PRKN: variants seen among roughly 807,000 people sequenced by gnomAD.
The protein encoded by PRKN is E3 ubiquitin-protein ligase parkin.
In PRKN, 56 loss-of-function variants were observed where a neutral mutation model predicts 59.5. That is an observed-to-expected ratio of 0.94 (90% CI 0.76 to 1.18). The LOEUF (loss-of-function observed/expected upper bound fraction) is 1.18, where lower values mean the gene tolerates loss of function less well. Ranked by LOEUF, PRKN falls within the 50% of genes most tolerant of loss-of-function variation. PRKN has a pLI of 0.00. For synonymous variants in PRKN, 250 were observed against 222.1 expected, an observed-to-expected ratio of 1.13 and a Z score of -1.12; for missense variants, 657 against 596.4, an observed-to-expected ratio of 1.10 and a Z score of -1.06.
intron 7 of PRKN, among the ~76,000 whole-genome samples, chr6:161,628,470 C>A (rs910379313): frequency 8.5e-5 from 13 of 152,164 alleles, no homozygotes; most frequent in African/African-American, 2.4e-4. Flanking sequence ...ACCCTCATGA[C>A]CTAATCACTT....
chr6:162,329,589 C>A (rs898939070), intron 2 of PRKN, among the ~76,000 whole-genome samples: 1 of 152,018 alleles, frequency 6.6e-6, no homozygotes, highest in Admixed American at 6.6e-5. Context: ...TGAAATTTAT[C>A]TTCATGTACT....
At chr6:162,220,816 C>A (rs1777895290) in intron 3 of PRKN, among the ~76,000 whole-genome samples, 1 of 152,002 alleles carries the variant, frequency 6.6e-6, no homozygotes, top group South Asian at 2.1e-4. Context: ...AATTTGGAGT[C>A]ATGGATTTCA....
chr6:162,648,835 C>T (rs1250802714), intron 1 of PRKN, among the ~76,000 whole-genome samples: 4 of 152,160 alleles, frequency 2.6e-5, no homozygotes, highest in African/African-American at 9.7e-5. Flanking sequence ...CAAACACTCA[C>T]CTAGATATGG....
intron 6 of PRKN, among the ~76,000 whole-genome samples, chr6:161,878,674 G>C (rs1487267745): frequency 6.6e-6 from 1 of 152,128 alleles, no homozygotes; most frequent in Non-Finnish European, 1.5e-5. Flanking sequence ...TTTTAGTGCA[G>C]GGCCCTCTGC....
At chr6:161,501,728 T>C (rs1777971382) in intron 9 of PRKN, among the ~76,000 whole-genome samples, 1 of 152,194 alleles carries the variant, frequency 6.6e-6, no homozygotes, top group South Asian at 2.1e-4. Context: ...ACTGGTCATT[T>C]GTTCTCTATA....
chr6:162,701,066 A>C (rs1235031987), intron 1 of PRKN, among the ~76,000 whole-genome samples: 1 of 152,198 alleles, frequency 6.6e-6, no homozygotes. Context: ...TGAGATCAAC[A>C]AAAACTTGCT....
At position 162,241,760 on chromosome 6, in the gene PRKN, T is replaced by A. The variant is rs565596052; in HGVS notation, c.412+20765A>T. Among the ~76,000 whole-genome samples, 93 of 152,262 alleles carry A rather than the reference T, an allele frequency of 6.1e-4. 1 individual carries two copies. The Middle Eastern group carries it at 0.01, about 17-fold the overall frequency. Reference sequence around the variant, plus strand: ...ATATCCAACATATATATACAGGCTATTGAATTCTATATGTAGTAATAATCA... The same window carrying A: ...ATATCCAACATATATATACAGGCTAATGAATTCTATATGTAGTAATAATCA... On this transcript the variant is annotated intron_variant, in intron 3 of 11. Coordinates refer to ENST00000366898, the MANE Select transcript of PRKN (RefSeq NM_004562.3).
At chr6:162,507,104 G>C (rs1187377627) in intron 1 of PRKN, among the ~76,000 whole-genome samples, 2 of 152,112 alleles carry the variant, frequency 1.3e-5, no homozygotes, top group South Asian at 2.1e-4. Flanking sequence ...CAATGATCTG[G>C]AAGATATGCT....
At chr6:162,446,223 C>A (rs1420389793) in intron 1 of PRKN, among the ~76,000 whole-genome samples, 1 of 152,064 alleles carries the variant, frequency 6.6e-6, no homozygotes, top group East Asian at 1.9e-4. Context: ...AAGTTAGGGG[C>A]TATAGGGACA....
chr6:161,847,677 T>C (rs971421619), intron 6 of PRKN, among the ~76,000 whole-genome samples: 8 of 152,076 alleles, frequency 5.3e-5, no homozygotes, highest in Admixed American at 1.3e-4. Context: ...AAAAATTGAA[T>C]CCGGGGTGCA....
At chr6:162,675,507 A>T (rs747372694) in intron 1 of PRKN, among the ~76,000 whole-genome samples, 2 of 152,174 alleles carry the variant, frequency 1.3e-5, no homozygotes, top group Non-Finnish European at 2.9e-5. Flanking sequence ...GGAAAATTTC[A>T]AGGGGACAGC....
intron 1 of PRKN, among the ~76,000 whole-genome samples, chr6:162,701,808 AACACACACACACATTCACATACAT>A (rs976879858): frequency 6.8e-6 from 1 of 146,910 alleles, no homozygotes; most frequent in African/African-American, 2.5e-5. Flanking sequence ...TTCCAATAGG[AACACACACACACATTCACATACAT>A]ACACACACAC....
chr6:161,947,479 T>C (rs997597994), intron 6 of PRKN, among the ~76,000 whole-genome samples: 6 of 152,190 alleles, frequency 3.9e-5, no homozygotes, highest in Non-Finnish European at 8.8e-5. Context: ...TGTCATCTTT[T>C]ACAGCAATTG....
intron 1 of PRKN, among the ~76,000 whole-genome samples, chr6:162,603,180 T>G (rs1035153684): frequency 1.3e-5 from 2 of 152,136 alleles, no homozygotes; most frequent in East Asian, 3.9e-4. Flanking sequence ...ATTTCTCAGT[T>G]GTGAATTATT....
intron 2 of PRKN, among the ~76,000 whole-genome samples, chr6:162,407,796 C>T (rs1385027871): frequency 3.9e-5 from 6 of 151,970 alleles, no homozygotes; most frequent in African/African-American, 7.2e-5. Flanking sequence ...AGGAAAAAAA[C>T]GACTGATGTG....
At chr6:162,113,875 T>G (rs994067439) in intron 4 of PRKN, among the ~76,000 whole-genome samples, 1 of 152,142 alleles carries the variant, frequency 6.6e-6, no homozygotes, top group Non-Finnish European at 1.5e-5. Context: ...TTAATCCATC[T>G]TGAATTGATT....
intron 1 of PRKN, among the ~76,000 whole-genome samples, chr6:162,462,881 G>A (rs1274861494): frequency 2.0e-5 from 3 of 152,070 alleles, no homozygotes; most frequent in Non-Finnish European, 2.9e-5. Flanking sequence ...ATCACCTGAG[G>A]TCAGGAGTTC....
intron 6 of PRKN, among the ~76,000 whole-genome samples, chr6:161,960,361 A>T (rs543287233): frequency 6.6e-6 from 1 of 152,214 alleles, no homozygotes; most frequent in Non-Finnish European, 1.5e-5. Flanking sequence ...ACGGCTGGAG[A>T]CAAACGCAAA....
chr6:162,022,087 C>T (rs1267072534), intron 5 of PRKN, among the ~76,000 whole-genome samples: 2 of 151,798 alleles, frequency 1.3e-5, no homozygotes, highest in African/African-American at 2.4e-5. Flanking sequence ...TTTTCTTTAT[C>T]CAATCTACCA....
Sources: allele counts gnomAD v4.1 joint callset (sites outside exome capture counted in the v4.1 genomes callset), GRCh38; gene constraint gnomAD v4.1.1; transcripts MANE v1.5; gene names NCBI Gene and HGNC (gene_info 2026-07-23, HGNC 2026-07-21).